Variants in SAMD12 observed in about 807,000 individuals in gnomAD.
SAMD12 encodes the protein sterile alpha motif domain-containing protein 12.
SAMD12 carries 9 observed loss-of-function variants against 15.0 expected under a neutral mutation model. The ratio of observed to expected loss-of-function variants is 0.60; its 90% CI spans 0.36 to 1.05. The LOEUF (loss-of-function observed/expected upper bound fraction) is 1.05, where lower values mean the gene tolerates loss of function less well. Among genes scored for constraint, SAMD12 ranks in the 50% least tolerant of loss-of-function variants. SAMD12 has a pLI of 0.01. For synonymous variants in SAMD12, 86 were observed against 90.1 expected (o/e 0.96, Z 0.25); for missense variants, 230 against 234.2 (o/e 0.98, Z 0.12).
chr8:118,612,375 C>A (rs1427858122), intron 1 of SAMD12, among the ~76,000 whole-genome samples: 1 of 152,164 alleles, frequency 6.6e-6, no homozygotes, highest in Non-Finnish European at 1.5e-5. Flanking sequence ...TATGCCAAAA[C>A]AAGTGGCATT....
chr8:118,306,661 A>G (rs947814481), intron 4 of SAMD12, among the ~76,000 whole-genome samples: 1 of 152,120 alleles, frequency 6.6e-6, no homozygotes, highest in Non-Finnish European at 1.5e-5. Flanking sequence ...GCAATTTTAC[A>G]TGAGCAGCAA....
intron 4 of SAMD12, among the ~76,000 whole-genome samples, chr8:118,307,109 G>C (rs1214946468): frequency 4.6e-5 from 7 of 152,194 alleles, no homozygotes; most frequent in Non-Finnish European, 8.8e-5. Flanking sequence ...GAACCAGCAT[G>C]ACCTAACATC....
intron 4 of SAMD12, among the ~76,000 whole-genome samples, chr8:118,337,376 G>A (rs1817135622): frequency 6.6e-6 from 1 of 152,068 alleles, no homozygotes; most frequent in African/African-American, 2.4e-5. Context: ...CCCCTCCAAA[G>A]CAGGGAGACC....
intron 3 of SAMD12, among the ~76,000 whole-genome samples, chr8:118,439,580 C>T (rs1235817406): frequency 6.6e-6 from 1 of 151,882 alleles, no homozygotes; most frequent in Non-Finnish European, 1.5e-5. Context: ...TCTCTAGGAT[C>T]CCCCAACCCT....
chr8:118,545,178 A>G (rs1432909986), intron 2 of SAMD12, among the ~76,000 whole-genome samples: 1 of 152,166 alleles, frequency 6.6e-6, no homozygotes, highest in African/African-American at 2.4e-5. Context: ...TTAAAACAAG[A>G]ACCCCAGGCC....
intron 1 of SAMD12, among the ~76,000 whole-genome samples, chr8:118,607,939 T>C (rs1438649568): frequency 6.6e-6 from 1 of 152,192 alleles, no homozygotes; most frequent in Non-Finnish European, 1.5e-5. Context: ...ACATAGTCTA[T>C]AAACACTGTC....
At chr8:118,289,688 T>C (rs1814255634) in intron 4 of SAMD12, among the ~76,000 whole-genome samples, 1 of 152,246 alleles carries the variant, frequency 6.6e-6, no homozygotes, top group Non-Finnish European at 1.5e-5. Context: ...TGCCACCTGT[T>C]CTAATTCTTG....
chr8:118,132,600 T>C, the SAMD12 span, among the ~76,000 whole-genome samples: 2 of 152,178 alleles, frequency 1.3e-5, no homozygotes, highest in South Asian at 4.1e-4. Context: ...AGGAATTTTC[T>C]AGAACAAGTG....
intron 4 of SAMD12, among the ~76,000 whole-genome samples, chr8:118,336,928 G>T (rs1817106828): frequency 6.6e-6 from 1 of 152,152 alleles, no homozygotes; most frequent in Non-Finnish European, 1.5e-5. Flanking sequence ...ACCAAACACT[G>T]CATGTTCTCA....
At chr8:118,487,018 G>A (rs1824309758) in intron 2 of SAMD12, among the ~76,000 whole-genome samples, 1 of 152,188 alleles carries the variant, frequency 6.6e-6, no homozygotes. Flanking sequence ...TTTTCCAATA[G>A]GAAGTCAGAG....
chr8:118,390,304 G>A (rs140341519), intron 3 of SAMD12, among the ~76,000 whole-genome samples: 229 of 152,182 alleles, frequency 1.5e-3, no homozygotes, highest in African/African-American at 5.2e-3. Context: ...CACTGCACCC[G>A]GCCCAAATTT....
intron 4 of SAMD12, among the ~76,000 whole-genome samples, chr8:118,270,118 C>A (rs1314931494): frequency 6.6e-6 from 1 of 152,210 alleles, no homozygotes; most frequent in African/African-American, 2.4e-5. Flanking sequence ...GGCTGAGCTG[C>A]TTCACAATTC....
At chr8:118,522,142 C>G (rs1256522229) in intron 2 of SAMD12, among the ~76,000 whole-genome samples, 1 of 150,100 alleles carries the variant, frequency 6.7e-6, no homozygotes, top group East Asian at 1.9e-4. Flanking sequence ...CAGTTAACAA[C>G]TACTGATTCA....
chr8:118,581,411 C>T (rs1827293655), intron 1 of SAMD12, among the ~76,000 whole-genome samples: 1 of 152,140 alleles, frequency 6.6e-6, no homozygotes, highest in Non-Finnish European at 1.5e-5. Context: ...CATGGATTTA[C>T]ATATGACAGA....
chr8:118,425,653 G>A (rs1326729240), intron 3 of SAMD12, among the ~76,000 whole-genome samples: 1 of 152,218 alleles, frequency 6.6e-6, no homozygotes, highest in Non-Finnish European at 1.5e-5. Context: ...AGATGCAGAT[G>A]TCTGATCATA....
chr8:118,519,379 C>A (rs78954859), intron 2 of SAMD12, among the ~76,000 whole-genome samples: 6,932 of 152,222 alleles, frequency 0.046, 489 homozygotes, highest in African/African-American at 0.15. Flanking sequence ...ACAAGGAAGA[C>A]CCTAAATAAT....
chr8:118,264,646 C>A (rs746150544), intron 4 of SAMD12, among the ~76,000 whole-genome samples: 2 of 152,092 alleles, frequency 1.3e-5, no homozygotes, highest in Admixed American at 6.6e-5. Context: ...TCTCTGGGAA[C>A]GGGACCTGGC....
At chr8:118,327,822 T>C (rs919395031) in intron 4 of SAMD12, among the ~76,000 whole-genome samples, 2 of 152,118 alleles carry the variant, frequency 1.3e-5, no homozygotes, top group African/African-American at 4.8e-5. Flanking sequence ...GCCTGATTGA[T>C]GGGGCTTGCA....
chr8:118,427,794 T>C (rs10955880), intron 3 of SAMD12, among the ~76,000 whole-genome samples: 81,327 of 151,688 alleles, frequency 0.54, 24,181 homozygotes, highest in Non-Finnish European at 0.65. Flanking sequence ...GTAGATACCT[T>C]GGAGTGGAAC....
Sources: gnomAD v4.1 joint callset for allele counts (sites outside exome capture counted in the v4.1 genomes callset) on GRCh38, gnomAD v4.1.1 for gene constraint, MANE v1.5 for transcripts, NCBI Gene and HGNC (gene_info 2026-07-23, HGNC 2026-07-21) for gene names.